C4orf51: variants seen among roughly 807,000 people sequenced by gnomAD.
C4orf51 encodes uncharacterized protein C4orf51.
In C4orf51, 25 loss-of-function variants were observed where a neutral mutation model predicts 25.2. That is an observed-to-expected ratio of 0.99 (90% confidence interval 0.72 to 1.39). The LOEUF (loss-of-function observed/expected upper bound fraction) is 1.39, where lower values mean the gene tolerates loss of function less well. Among genes scored for constraint, C4orf51 ranks in the 40% most tolerant of loss-of-function variants. The probability of loss-of-function intolerance (pLI) is 0.00; values close to 1 mark genes in which losing one functional copy is unlikely to be tolerated. For missense variants in C4orf51, 252 were observed against 239.6 expected (o/e 1.05, Z -0.34); for synonymous variants, 100 against 84.5 (o/e 1.18, Z -1.01).
At chr4:145,776,648 G>T in the C4orf51 span, among the ~76,000 whole-genome samples, 2 of 152,076 alleles carry the variant, frequency 1.3e-5, no homozygotes, top group African/African-American at 4.8e-5. Flanking sequence ...TCAGTCATGG[G>T]TGAGTGCTGA....
chr4:145,730,438 C>G (rs1415913926), intron 5 of C4orf51, among the ~76,000 whole-genome samples: 2 of 152,160 alleles, frequency 1.3e-5, no homozygotes, highest in African/African-American at 4.8e-5. Context: ...GGGATTCTCT[C>G]CTTCCTGATT....
intron 2 of C4orf51, among the ~76,000 whole-genome samples, chr4:145,707,704 G>T (rs888075859): frequency 2.0e-5 from 3 of 152,198 alleles, no homozygotes; most frequent in African/African-American, 7.2e-5. Context: ...AAAGGGATGT[G>T]AATTTTTTCT....
chr4:145,718,777 A>G (rs1731557111), intron 2 of C4orf51, among the ~76,000 whole-genome samples: 1 of 152,214 alleles, frequency 6.6e-6, no homozygotes, highest in Non-Finnish European at 1.5e-5. Context: ...TGTTCCAGTT[A>G]TAATGTATTC....
chr4:145,759,436 C>A (rs890305267), intron 1 of C4orf51: 3 of 152,118 alleles, frequency 2.0e-5, no homozygotes, highest in African/African-American at 7.2e-5. Context: ...ATAAAGTTAG[C>A]CTCCTAGCAG....
At chr4:145,757,422 C>A (rs1315756170), downstream of C4orf51, among the ~76,000 whole-genome samples, 2 of 152,230 alleles carry the variant, frequency 1.3e-5, no homozygotes, top group Non-Finnish European at 2.9e-5. Flanking sequence ...ACCTTAATGG[C>A]CATTAATGAT....
intron 1 of C4orf51, among the ~76,000 whole-genome samples, chr4:145,744,471 C>CTATT (rs1447379259): frequency 0.011 from 1,726 of 152,210 alleles, 40 homozygotes; most frequent in African/African-American, 0.04. Context: ...ATTGTAACCC[C>CTATT]AACTCTTGAA....
chr4:145,739,515 CAA>C (rs1481050969), intron 1 of C4orf51, among the ~76,000 whole-genome samples: 3 of 152,190 alleles, frequency 2.0e-5, no homozygotes, highest in Non-Finnish European at 4.4e-5. Context: ...GAGATACAAA[CAA>C]AATCATATTA....
chr4:145,683,671 G>A (rs10471106), intron 1 of C4orf51, among the ~76,000 whole-genome samples: 19,101 of 152,208 alleles, frequency 0.13, 1,990 homozygotes, highest in African/African-American at 0.28. Flanking sequence ...AACAAATGGT[G>A]CTGGAACAAC....
At chr4:145,768,916 T>TATATATATATATATATATATAA (rs34051922) in intron 1 of C4orf51, among the ~76,000 whole-genome samples, 11 of 34,422 alleles carry the variant, frequency 3.2e-4, no homozygotes, top group African/African-American at 1.1e-3. Context: ...TATATATATA[T>TATATATATATATATATATATAA]TAGGTATACA....
chr4:145,773,580 CACTT>C (rs1294962559), downstream of C4orf51, among the ~76,000 whole-genome samples: 1 of 152,228 alleles, frequency 6.6e-6, no homozygotes, highest in Non-Finnish European at 1.5e-5. Context: ...TCCTCATTCT[CACTT>C]AATGACTCCT....
intron 2 of C4orf51, among the ~76,000 whole-genome samples, chr4:145,716,899 T>G (rs1731447696): frequency 2.0e-5 from 3 of 152,204 alleles, no homozygotes. Flanking sequence ...TGTGTGCTAT[T>G]GTTAAAATCA....
At chr4:145,789,045 G>T in the C4orf51 span, among the ~76,000 whole-genome samples, 2 of 152,184 alleles carry the variant, frequency 1.3e-5, no homozygotes, top group Admixed American at 1.3e-4. Context: ...AGATATAGGT[G>T]GTAGTTCCTA....
chr4:145,729,788 G>T, intron 4 of C4orf51, 104 bp from the exon 5 acceptor site: 1 of 899,636 alleles, frequency 1.1e-6, no homozygotes, highest in East Asian at 2.5e-5. Flanking sequence ...GTGAAGGTTT[G>T]GATCTATTGA....
chr4:145,727,895 G>GTATATATATATATA (rs35521926), intron 3 of C4orf51, among the ~76,000 whole-genome samples: 28 of 101,632 alleles, frequency 2.8e-4, no homozygotes, highest in African/African-American at 1.1e-3. Context: ...AAAAAAATGT[G>GTATATATATATATA]TATATATATA....
Position 145,765,830 on chromosome 4 carries a change from C to CATG in C4orf51, n.167-5156_167-5155insGAT. ...GGTGACGAGTTGAGTCTCATGGATG[C>CATG]ATCATCATTCTGGGGGCACAGGCTC... On this transcript the variant is annotated intron_variant and non_coding_transcript_variant, in intron 1 of 1. Transcript: ENST00000510096. The surrounding 1 kb of genome is among the most constrained non-coding windows in gnomAD (Gnocchi z 4.7). 1 of 1,310,196 alleles carries CATG rather than the reference C, an allele frequency of 7.6e-7. No individual in the cohort carries two copies. The highest frequency in any genetic ancestry group is 1.5e-5 in the African/African-American group (1 of 67,914). 81.2% of individuals were successfully genotyped at this position (1,310,196 alleles called of 1,614,324 possible).
At chr4:145,775,655 G>T, downstream of C4orf51, 2 of 1,112,212 alleles carry the variant, frequency 1.8e-6, no homozygotes, top group East Asian at 2.4e-5. Flanking sequence ...TCTGAGCAAA[G>T]AAATTACTCA....
chr4:145,749,472 G>C (rs1278858116), intron 1 of C4orf51, among the ~76,000 whole-genome samples: 1 of 151,322 alleles, frequency 6.6e-6, no homozygotes, highest in African/African-American at 2.4e-5. Flanking sequence ...GTTGTTTTGT[G>C]GTCTTCCTTC....
intron 2 of C4orf51, among the ~76,000 whole-genome samples, chr4:145,706,407 T>G (rs931407107): frequency 6.6e-6 from 1 of 152,190 alleles, no homozygotes; most frequent in South Asian, 2.1e-4. Flanking sequence ...TCTCCTCTTG[T>G]GGTCTCAAGA....
chr4:145,711,279 C>T (rs1437672108), intron 2 of C4orf51, among the ~76,000 whole-genome samples: 2 of 152,202 alleles, frequency 1.3e-5, no homozygotes, highest in African/African-American at 2.4e-5. Flanking sequence ...AACTACTTTT[C>T]AAACCTATAC....
Sources: allele counts gnomAD v4.1 joint callset (sites outside exome capture counted in the v4.1 genomes callset), GRCh38; gene constraint gnomAD v4.1.1; non-coding constraint Gnocchi (gnomAD v3.1); transcripts MANE v1.5; gene names NCBI Gene and HGNC (gene_info 2026-07-23, HGNC 2026-07-21).